RLF: variants seen among roughly 807,000 people sequenced by gnomAD.
The protein encoded by RLF is zinc finger protein Rlf.
A neutral mutation model predicts 162.9 loss-of-function variants in RLF; 7 were observed. The ratio of observed to expected loss-of-function variants is 0.04; its 90% CI spans 0.02 to 0.08. The LOEUF (loss-of-function observed/expected upper bound fraction) is 0.08, where lower values mean the gene tolerates loss of function less well. RLF is among the 10% of genes least tolerant of loss of function. The pLI is 1.00. For missense variants in RLF, 1,664 were observed against 2,244.7 expected (o/e 0.74, Z 5.23); for synonymous variants, 782 against 791.5 (o/e 0.99, Z 0.20).
Position 40,237,863 on chromosome 1 carries a change from C to T in RLF, c.3161C>T (p.Pro1054Leu), listed in dbSNP as rs1643238590. 3 of 1,614,036 alleles carry T rather than the reference C, an allele frequency of 1.9e-6. No individual in the cohort carries two copies. The highest frequency in any genetic ancestry group is 1.6e-4 in the Middle Eastern group (1 of 6,062). ...TCCTCCATTTGTGCTTCTAAAAGGC[C>T]CTGTACAGAGGATACCATGTTGGAA... is the stretch of plus-strand genomic sequence containing the variant. ...SESSICASKR[P>L]CTEDTMLELL... The change falls in exon 8 of 8, where the codon CCC (proline) becomes CTC (leucine). Residue 1054 changes from proline to leucine, a missense_variant. Physicochemically the swap from Pro to Leu is moderately conservative, Grantham distance 98. Transcript: ENST00000372771. The surrounding 1 kb of genome is among the most constrained non-coding windows in gnomAD (Gnocchi z 4.4).
intron 2 of RLF, 115 bp from the exon 3 acceptor site, chr1:40,190,657 G>A: frequency 1.5e-6 from 1 of 670,412 alleles, no homozygotes; most frequent in Non-Finnish European, 2.4e-6. Flanking sequence ...ATTTTGAAGA[G>A]TAAAAACATT....
At chr1:40,190,915 G>A (rs1642548553) in intron 3 of RLF, 62 bp downstream of exon 3, 2 of 998,344 alleles carry the variant, frequency 2.0e-6, no homozygotes, top group Non-Finnish European at 3.0e-6. Flanking sequence ...ATTACTCCCA[G>A]CAAACTAAAA....
At chr1:40,194,620 A>G (rs1010106221) in intron 3 of RLF, among the ~76,000 whole-genome samples, 2 of 151,654 alleles carry the variant, frequency 1.3e-5, no homozygotes, top group Non-Finnish European at 2.9e-5. Flanking sequence ...AAAAAAATAA[A>G]TCAGCCTCCA....
chr1:40,163,955 G>A (rs1249990723), intron 1 of RLF, among the ~76,000 whole-genome samples: 6 of 152,168 alleles, frequency 3.9e-5, no homozygotes, highest in Non-Finnish European at 7.4e-5. Flanking sequence ...ATTGTATGAA[G>A]AAGCAGGAAA....
intron 1 of RLF, among the ~76,000 whole-genome samples, chr1:40,174,640 C>G (rs907174637): frequency 6.6e-6 from 1 of 152,032 alleles, no homozygotes; most frequent in Non-Finnish European, 1.5e-5. Context: ...TTTATTTGTA[C>G]CATACCTATA....
intron 5 of RLF, among the ~76,000 whole-genome samples, chr1:40,221,987 GTT>G (rs977181241): frequency 6.8e-6 from 1 of 147,886 alleles, no homozygotes; most frequent in Non-Finnish European, 1.5e-5. Flanking sequence ...TTTTTTGTTT[GTT>G]TTTTTAAGAT....
chr1:40,235,055 A>ATTTTTTTT (rs761816149), intron 7 of RLF, among the ~76,000 whole-genome samples: 1 of 105,460 alleles, frequency 9.5e-6, no homozygotes, highest in Non-Finnish European at 1.9e-5. Flanking sequence ...GATAGAGAGA[A>ATTTTTTTT]TTTTTTTTTT....
At chr1:40,198,320 T>A (rs201484158) in intron 4 of RLF, among the ~76,000 whole-genome samples, 8 of 97,466 alleles carry the variant, frequency 8.2e-5, no homozygotes, top group South Asian at 3.1e-4. Flanking sequence ...TTTTTTTTTT[T>A]AAAGACAGCG....
intron 6 of RLF, among the ~76,000 whole-genome samples, chr1:40,227,395 G>T (rs1021110398): frequency 6.6e-6 from 1 of 152,036 alleles, no homozygotes; most frequent in Non-Finnish European, 1.5e-5. Flanking sequence ...TTATCCTAGC[G>T]CATGTTTGAT....
At chr1:40,196,624 C>G (rs1472334004) in intron 4 of RLF, among the ~76,000 whole-genome samples, 1 of 152,110 alleles carries the variant, frequency 6.6e-6, no homozygotes, top group Non-Finnish European at 1.5e-5. Flanking sequence ...CTCTGCCTCA[C>G]AAGTAACTGG....
intron 1 of RLF, among the ~76,000 whole-genome samples, chr1:40,188,426 C>T (rs889056222): frequency 6.6e-6 from 1 of 152,090 alleles, no homozygotes; most frequent in East Asian, 1.9e-4. Flanking sequence ...GGACTATTCC[C>T]CCCATTGTAA....
chr1:40,176,889 A>G (rs996467189), intron 1 of RLF, among the ~76,000 whole-genome samples: 6 of 151,954 alleles, frequency 3.9e-5, no homozygotes, highest in Non-Finnish European at 7.4e-5. Context: ...TTTCTGATAT[A>G]TGCTTTGCAA....
chr1:40,223,404 G>A (rs1013213939), intron 6 of RLF, among the ~76,000 whole-genome samples: 3 of 152,142 alleles, frequency 2.0e-5, no homozygotes, highest in African/African-American at 7.2e-5. Context: ...AGAGAGAGGT[G>A]CTCACTGTAT....
chr1:40,226,358 G>A (rs1259449519), intron 6 of RLF, among the ~76,000 whole-genome samples: 1 of 152,016 alleles, frequency 6.6e-6, no homozygotes, highest in Non-Finnish European at 1.5e-5. Context: ...ATATAGAGAG[G>A]TGTAATTACG....
intron 5 of RLF, among the ~76,000 whole-genome samples, chr1:40,205,362 T>A (rs987178031): frequency 6.6e-6 from 1 of 151,902 alleles, no homozygotes; most frequent in Non-Finnish European, 1.5e-5. Flanking sequence ...TAAAATAAAA[T>A]AAAAATAACG....
chr1:40,209,019 C>CTTCTGGTTCT (rs1642834627), intron 5 of RLF, among the ~76,000 whole-genome samples: 1 of 152,126 alleles, frequency 6.6e-6, no homozygotes, highest in African/African-American at 2.4e-5. Context: ...CACTGCCAAC[C>CTTCTGGTTCT]TTCTGGTTCT....
At chr1:40,189,466 A>G (rs1449080272) in intron 2 of RLF, among the ~76,000 whole-genome samples, 1 of 152,220 alleles carries the variant, frequency 6.6e-6, no homozygotes, top group Non-Finnish European at 1.5e-5. Flanking sequence ...ATATATTTCT[A>G]TCCCTTAGGT....
intron 3 of RLF, among the ~76,000 whole-genome samples, chr1:40,194,074 A>G (rs1171810735): frequency 6.6e-6 from 1 of 152,236 alleles, no homozygotes; most frequent in Non-Finnish European, 1.5e-5. Flanking sequence ...TTTATACTGA[A>G]TTACATTTCT....
At chr1:40,212,176 G>C (rs1642873261) in intron 5 of RLF, among the ~76,000 whole-genome samples, 1 of 152,184 alleles carries the variant, frequency 6.6e-6, no homozygotes, top group South Asian at 2.1e-4. Context: ...GTTGGTACCT[G>C]GGGGTATCCC....
Sources: allele counts gnomAD v4.1 joint callset (sites outside exome capture counted in the v4.1 genomes callset), GRCh38; gene constraint gnomAD v4.1.1; non-coding constraint Gnocchi (gnomAD v3.1); transcripts MANE v1.5; gene names NCBI Gene and HGNC (gene_info 2026-07-23, HGNC 2026-07-21).